The following UTP20 variants were observed in gnomAD, a reference collection of about 807,000 sequenced individuals.
UTP20 encodes UTP20 small subunit processome component, also known as small subunit processome component 20 homolog.
UTP20 carries 164 observed loss-of-function variants against 329.5 expected under a neutral mutation model. That is an observed-to-expected ratio of 0.50 (90% confidence interval 0.44 to 0.57). The LOEUF is 0.57. Ranked by LOEUF, UTP20 falls within the 20% of genes least tolerant of loss-of-function variation. The pLI, the probability that UTP20 is intolerant of heterozygous loss-of-function variation, is 0.00. For missense variants in UTP20, 3,055 were observed against 3,284.2 expected (o/e 0.93, Z 1.71); for synonymous variants, 1,151 against 1,159.3 (o/e 0.99, Z 0.14).
At chr12:101,347,386 G>A (rs1869361667) in intron 38 of UTP20, among the ~76,000 whole-genome samples, 1 of 152,078 alleles carries the variant, frequency 6.6e-6, no homozygotes, top group African/African-American at 2.4e-5. Flanking sequence ...AGCCAGGCAT[G>A]GTGGTGCATG....
intron 2 of UTP20, among the ~76,000 whole-genome samples, chr12:101,283,721 C>T (rs1871869997): frequency 6.6e-6 from 1 of 152,108 alleles, no homozygotes; most frequent in Non-Finnish European, 1.5e-5. Flanking sequence ...AATATTTTTA[C>T]TTTTGAAAAA....
intron 17 of UTP20, among the ~76,000 whole-genome samples, chr12:101,307,939 T>C (rs1342505740): frequency 1.3e-5 from 2 of 152,150 alleles, no homozygotes; most frequent in African/African-American, 4.8e-5. Context: ...TCAATTTGAG[T>C]GACTTGAGAA....
chr12:101,343,128 T>G, intron 35 of UTP20, 35 bp downstream of exon 35: 1 of 1,503,538 alleles, frequency 6.7e-7, no homozygotes, highest in Non-Finnish European at 9.0e-7. Context: ...AAATTATTTT[T>G]TATTGTTTTG....
chr12:101,380,909 C>T (rs975546095), intron 57 of UTP20, among the ~76,000 whole-genome samples: 1 of 149,206 alleles, frequency 6.7e-6, no homozygotes, highest in Admixed American at 6.7e-5. Context: ...TTACCTGTTT[C>T]TCCCCAAAAT....
intron 55 of UTP20, among the ~76,000 whole-genome samples, chr12:101,375,271 T>TG (rs958980380): frequency 6.7e-6 from 1 of 148,480 alleles, no homozygotes; most frequent in East Asian, 2.0e-4. Flanking sequence ...AAAAAAAAAA[T>TG]GGGGGGTTGG....
At position 101,383,250 on chromosome 12, in the gene UTP20, G is replaced by A. The variant is rs774509898; in HGVS notation, c.7866G>A (p.Leu2622=). ...ELGRPATLLW[L]IQKLSRIAKL... is the part of the protein sequence containing the mutation. The stretch of plus-strand genomic sequence containing the variant: ...GCAGGCCGGCCACGCTGCTGTGGTT[G>A]ATCCAGAAGCTGTCCCGGATTGCAA... Residue 2622 remains leucine (L), a synonymous_variant, in exon 59 of 62, where the codon TTG becomes TTA. Transcript: ENST00000261637. The A allele has an allele frequency of 6.2e-6, 10 of 1,614,060 alleles. No homozygotes were observed. Among genetic ancestry groups the A allele is most frequent in the Middle Eastern group, 1.6e-4 (1 of 6,084 alleles).
chr12:101,367,886 C>G lies in UTP20; in HGVS notation c.6294C>G (p.Ser2098=). The G allele has an allele frequency of 6.2e-7, 1 of 1,613,618 alleles. No individual in the cohort carries two copies. Among genetic ancestry groups the G allele is most frequent in the South Asian group, 1.1e-5 (1 of 91,070 alleles). The change falls in exon 48 of 62, where the codon TCC becomes TCG. Residue 2098 remains serine, a synonymous_variant. Transcript: ENST00000261637. ...TGCTGCATCTGAGTCTGAAGACTTC[C>G]AAGATCAAGTCTTCAGGTGAATGTG... ...LRLLHLSLKT[S]KIKSSGECVL... is the part of the protein sequence containing the mutation.
intron 51 of UTP20, among the ~76,000 whole-genome samples, chr12:101,371,523 CTTTTTTTTTTTTTTT>C (rs58024998): frequency 1.5e-5 from 1 of 65,392 alleles, no homozygotes; most frequent in Admixed American, 2.2e-4. Context: ...GGGCTTTGTT[CTTTTTTTTTTTTTTT>C]TTTTTTTTTT....
At chr12:101,304,171 G>A (rs936908624) in intron 15 of UTP20, among the ~76,000 whole-genome samples, 8 of 152,180 alleles carry the variant, frequency 5.3e-5, no homozygotes, top group African/African-American at 1.9e-4. Flanking sequence ...AACTTGCAGA[G>A]TAGATGCAGG....
At chr12:101,333,128 A>C (rs1868814062) in intron 27 of UTP20, among the ~76,000 whole-genome samples, 173 bp from the exon 28 acceptor site, 1 of 152,218 alleles carries the variant, frequency 6.6e-6, no homozygotes, top group African/African-American at 2.4e-5. Flanking sequence ...TTGTTCAATG[A>C]GAAAAGTAAG....
chr12:101,377,095 T>C (rs915877900), intron 56 of UTP20, among the ~76,000 whole-genome samples: 4 of 152,092 alleles, frequency 2.6e-5, no homozygotes, highest in East Asian at 1.9e-4. Context: ...CCACATCTTA[T>C]GTGGTCTGTT....
intron 58 of UTP20, among the ~76,000 whole-genome samples, chr12:101,381,468 G>A (rs1383852639): frequency 2.6e-5 from 4 of 152,048 alleles, no homozygotes; most frequent in African/African-American, 9.7e-5. Context: ...CGTGGGAGGC[G>A]GAGGATGCAG....
Position 101,321,588 on chromosome 12 carries a change from G to T in UTP20, c.3000G>T (p.Val1000=). ...HFSISEDNAV[V]KTAHRADLFP... Reference sequence around the variant, plus strand: ...GCATTTCAGAAGATAATGCTGTAGTGAAAACAGCCCACCGAGCAGATCTAT... The same window carrying T: ...GCATTTCAGAAGATAATGCTGTAGTTAAAACAGCCCACCGAGCAGATCTAT... Residue 1000 remains valine (V), a synonymous_variant, in exon 25 of 62, where the codon GTG becomes GTT. Transcript: ENST00000261637. The T allele has an allele frequency of 6.2e-7, 1 of 1,613,604 alleles. No individual in the cohort carries two copies. Among genetic ancestry groups the T allele is most frequent in the Non-Finnish European group, 8.5e-7 (1 of 1,179,774 alleles).
At chr12:101,299,620 A>G in intron 12 of UTP20, 62 bp from the exon 13 acceptor site, 1 of 1,436,592 alleles carries the variant, frequency 7.0e-7, no homozygotes, top group Non-Finnish European at 9.3e-7. Flanking sequence ...TTTATTTCAG[A>G]CTTCAGAGGG....
At chr12:101,300,320 G>A (rs2137242751) in intron 14 of UTP20, among the ~76,000 whole-genome samples, 1 of 152,234 alleles carries the variant, frequency 6.6e-6, no homozygotes, top group African/African-American at 2.4e-5. Context: ...ATTTGTTTTT[G>A]AGCCCCATAC....
rs1869931902 is a variant in UTP20, at chr12:101,361,860, C to T, written c.5692-102C>T. Reference sequence around the variant, plus strand: ...CGAAGCTTCTCCTGGCAATAAAAGACATATAAACTCTGAGTGTTCTCTTTG... The same window carrying T: ...CGAAGCTTCTCCTGGCAATAAAAGATATATAAACTCTGAGTGTTCTCTTTG... On this transcript the variant is annotated intron_variant, in intron 43 of 61. Transcript: ENST00000261637. 9 of 855,394 alleles carry T rather than the reference C, an allele frequency of 1.1e-5. 1 individual carries two copies. The South Asian group carries it at 1.3e-4, about 12-fold the overall frequency. 53.0% of individuals were successfully genotyped at this position (855,394 alleles called of 1,614,324 possible).
intron 27 of UTP20, among the ~76,000 whole-genome samples, chr12:101,332,618 A>G (rs1868796760): frequency 6.6e-6 from 1 of 152,202 alleles, no homozygotes; most frequent in African/African-American, 2.4e-5. Flanking sequence ...CACTCATTCC[A>G]GCCTCTATGC....
At chr12:101,295,304 C>T (rs1159031400) in intron 11 of UTP20, among the ~76,000 whole-genome samples, 176 bp from the exon 12 acceptor site, 1 of 152,170 alleles carries the variant, frequency 6.6e-6, no homozygotes, top group Non-Finnish European at 1.5e-5. Flanking sequence ...CTAAGTCATC[C>T]TTCCTCAGAG....
chr12:101,314,314 G>A (rs537645532), intron 21 of UTP20, among the ~76,000 whole-genome samples: 2 of 152,172 alleles, frequency 1.3e-5, no homozygotes, highest in Non-Finnish European at 2.9e-5. Flanking sequence ...CCCACATGAA[G>A]GTGACCTTAA....
Sources: gnomAD v4.1 joint callset for allele counts (sites outside exome capture counted in the v4.1 genomes callset) on GRCh38, gnomAD v4.1.1 for gene constraint, MANE v1.5 for transcripts, NCBI Gene and HGNC (gene_info 2026-07-23, HGNC 2026-07-21) for gene names.